Variants in NPTN observed in about 807,000 individuals in gnomAD.
NPTN encodes neuroplastin.
Under a neutral mutation model 42.7 loss-of-function variants are expected in NPTN, and 5 were observed. The observed-to-expected ratio is 0.12, with a 90% CI of 0.06 to 0.25. The LOEUF (loss-of-function observed/expected upper bound fraction) is 0.25. Among genes scored for constraint, NPTN ranks in the 10% least tolerant of loss-of-function variants. The pLI, the probability that NPTN is intolerant of heterozygous loss-of-function variation, is 1.00. For missense variants in NPTN, 307 were observed against 525.4 expected, an observed-to-expected ratio of 0.58 and a Z score of 4.06; for synonymous variants, 180 against 201.9, an observed-to-expected ratio of 0.89 and a Z score of 0.92.
chr15:73,622,501 A>T (rs1178102909), intron 1 of NPTN, among the ~76,000 whole-genome samples: 4 of 144,838 alleles, frequency 2.8e-5, no homozygotes, highest in Non-Finnish European at 4.6e-5. Context: ...AATTGTTTTA[A>T]AAAAAAAAAA....
At chr15:73,589,830 A>T (rs913924637) in intron 3 of NPTN, among the ~76,000 whole-genome samples, 1 of 151,924 alleles carries the variant, frequency 6.6e-6, no homozygotes, top group African/African-American at 2.4e-5. Flanking sequence ...TGTCTTCTCA[A>T]TGTGACACCA....
At chr15:73,568,941 A>G (rs1379808906) in intron 6 of NPTN, 48 of 985,408 alleles carry the variant, frequency 4.9e-5, no homozygotes, top group Non-Finnish European at 5.7e-5. Flanking sequence ...GTCTAAAGCC[A>G]CTGGCATGCC....
intron 1 of NPTN, among the ~76,000 whole-genome samples, chr15:73,622,600 G>A (rs915013921): frequency 4.6e-5 from 7 of 151,452 alleles, no homozygotes; most frequent in African/African-American, 1.7e-4. Context: ...CAGATATAAG[G>A]TAGCTGAACT....
rs1319730012 is a variant in NPTN, at chr15:73,565,773, T to C, written c.1115-2516A>G. 1.1e-5 allele frequency: 5 copies of C among 456,446 alleles called. No individual in the cohort carries two copies. The Admixed American group carries it at 1.2e-4, about 11-fold the overall frequency. 28.3% of individuals were successfully genotyped at this position (456,446 alleles called of 1,614,324 possible). On this transcript the variant is annotated intron_variant, in intron 6 of 8. Transcript: ENST00000345330. ...CACCTTATGAGAGTGAAGTTACCGG[T>C]GGAACTGTAGCACACACTGATTTAT...
intron 4 of NPTN, among the ~76,000 whole-genome samples, chr15:73,580,585 A>T (rs1307651696): frequency 8.3e-6 from 1 of 120,726 alleles, no homozygotes; most frequent in Non-Finnish European, 1.8e-5. Context: ...ATGTATATAC[A>T]TGTTATATAT....
chr15:73,572,089 G>A (rs1595900938), intron 5 of NPTN, among the ~76,000 whole-genome samples: 4 of 152,056 alleles, frequency 2.6e-5, no homozygotes, highest in Admixed American at 2.6e-4. Flanking sequence ...CCTCGTTAAC[G>A]GGTCTCTGAA....
chr15:73,582,720 G>A (rs997437601), intron 4 of NPTN, among the ~76,000 whole-genome samples: 2 of 152,160 alleles, frequency 1.3e-5, no homozygotes, highest in Non-Finnish European at 2.9e-5. Context: ...CCCCCCACAA[G>A]ACAGGGAGAT....
rs999688216 is a variant in NPTN, at chr15:73,569,949, CA to C, written c.1114+200del. On this transcript the variant is annotated intron_variant, in intron 6 of 8. Transcript: ENST00000345330. The surrounding 1 kb of genome is among the most constrained non-coding windows in gnomAD (Gnocchi z 4.1). ...TAAGGACAGCTCTAGATGGCTAATGCAAAAAAAATAAAAATAAAATAAAAAT... is the reference window on the plus strand; with the variant it reads ...TAAGGACAGCTCTAGATGGCTAATGCAAAAAAATAAAAATAAAATAAAAAT... The C allele has an allele frequency of 3.9e-4, 152 of 388,186 alleles. 1 individual carries two copies. The highest frequency in any genetic ancestry group is 1.3e-3 in the African/African-American group (57 of 44,794). The allele number at this position is 388,186 out of a possible 1,614,324, so 24.0% of individuals were successfully genotyped here. A position where few individuals can be genotyped will look rare whatever the true frequency, so the allele number is the denominator to read the frequency against.
At chr15:73,573,816 C>T in intron 4 of NPTN, 21 bp from the exon 5 acceptor site, 1 of 1,604,432 alleles carries the variant, frequency 6.2e-7, no homozygotes, top group Non-Finnish European at 8.5e-7. Flanking sequence ...GCGTTAGACG[C>T]AGTTACCACG....
At chr15:73,590,389 TC>T (rs1366509224) in intron 3 of NPTN, among the ~76,000 whole-genome samples, 1 of 152,106 alleles carries the variant, frequency 6.6e-6, no homozygotes, top group East Asian at 1.9e-4. Flanking sequence ...AAGTTAAAGC[TC>T]AGCACTTTGC....
rs375514412 is a variant in NPTN at position 73,597,193 on chromosome 15, T to C, written c.268A>G (p.Asn90Asp). The C allele has an allele frequency of 1.7e-5, 28 of 1,613,962 alleles. No homozygotes were observed. Among genetic ancestry groups the C allele is most frequent in the Non-Finnish European group, 2.2e-5 (26 of 1,179,998 alleles). ...DGARKRRVTVNTAYGSNGVSV... is the reference protein window; with the variant it reads ...DGARKRRVTVDTAYGSNGVSV... ...ACGCCGTTTGACCCGTAGGCGGTGT[T>C]TACGGTGACACGGCGCTTCCGAGCA... is the stretch of plus-strand genomic sequence containing the variant. Residue 90 changes from asparagine to aspartate, a missense_variant, in exon 2 of 9, where the codon AAC becomes GAC. Around this residue, in one of 2 missense-constraint regions of NPTN, gnomAD observed 264 missense variants for 491.1 expected, o/e 0.54. Transcript: ENST00000345330. This position sits in a 1 kb window ranked among gnomAD's most constrained non-coding sequence, Gnocchi z 6.3.
At chr15:73,630,829 T>C (rs1400594115) in intron 1 of NPTN, among the ~76,000 whole-genome samples, 1 of 152,242 alleles carries the variant, frequency 6.6e-6, no homozygotes, top group Non-Finnish European at 1.5e-5. Context: ...GGGCTATTTA[T>C]TACCAGCTGA....
rs143173544 is a variant in NPTN at position 73,602,570 on chromosome 15, T to TG, written c.92-5202dup. Among the ~76,000 whole-genome samples the TG allele has an allele frequency of 7.2e-5, 11 of 152,326 alleles. No individual in the cohort carries two copies. In the East Asian group the frequency reaches 2.1e-3, roughly 29 times the overall value. On this transcript the variant is annotated intron_variant, in intron 1 of 8. Transcript: ENST00000345330. ...ACAGACTTGAGCCTACACAAACTACTGTAGAGCCTGCCTATCCTTCCTGTT... is the reference window on the plus strand; with the variant it reads ...ACAGACTTGAGCCTACACAAACTACTGGTAGAGCCTGCCTATCCTTCCTGTT...
chr15:73,597,184 A>G lies in NPTN; in HGVS notation c.277T>C (p.Tyr93His). 1 of 1,614,178 alleles carries G rather than the reference A, an allele frequency of 6.2e-7. No individual in the cohort carries two copies. Among genetic ancestry groups the G allele is most frequent in the Non-Finnish European group, 8.5e-7 (1 of 1,180,016 alleles). The change falls in exon 2 of 9, where the codon TAC becomes CAC. Residue 93 changes from tyrosine to histidine, a missense_variant. Tyr to His is a moderately conservative substitution (Grantham distance 83). Transcript: ENST00000345330. The surrounding 1 kb of genome is among the most constrained non-coding windows in gnomAD (Gnocchi z 6.3). ...RKRRVTVNTA[Y>H]GSNGVSVLRI... is the part of the protein sequence containing the mutation. ...AGCACACTCACGCCGTTTGACCCGTAGGCGGTGTTTACGGTGACACGGCGC... is the reference window on the plus strand; with the variant it reads ...AGCACACTCACGCCGTTTGACCCGTGGGCGGTGTTTACGGTGACACGGCGC...
chr15:73,625,734 A>C (rs919317153), intron 1 of NPTN, among the ~76,000 whole-genome samples: 20 of 152,334 alleles, frequency 1.3e-4, no homozygotes, highest in African/African-American at 4.8e-4. Context: ...CAGGTCCTAG[A>C]AAATTCTAGT....
chr15:73,607,576 CAG>C (rs2141444201), intron 1 of NPTN, among the ~76,000 whole-genome samples: 1 of 152,262 alleles, frequency 6.6e-6, no homozygotes, highest in African/African-American at 2.4e-5. Flanking sequence ...TCAGAAACCA[CAG>C]AGTCAAAAAC....
intron 2 of NPTN, 104 bp downstream of exon 2, chr15:73,596,918 G>C (rs748781730): frequency 9.2e-5 from 85 of 922,072 alleles, no homozygotes; most frequent in Non-Finnish European, 1.3e-4. Flanking sequence ...ACAAGGGGTG[G>C]GGTGAGTGAT....
intron 1 of NPTN, among the ~76,000 whole-genome samples, chr15:73,602,228 ACTGCCAAGGCCAGG>A: frequency 6.6e-6 from 1 of 152,292 alleles, no homozygotes; most frequent in Middle Eastern, 3.4e-3. Flanking sequence ...TCAACTGACT[ACTGCCAAGGCCAGG>A]CCTTTAAGTC....
In NPTN at chr15:73,560,111, T is replaced by C; in HGVS notation, c.*952A>G. On this transcript the variant is annotated 3_prime_UTR_variant, in exon 9 of 9. Transcript: ENST00000345330. ...TACACAAAACACACAAGTACATGCA[T>C]CTACAATTACGCACCGCATGAGAAC... 2.0e-6 allele frequency: 1 copy of C among 491,120 alleles called. No homozygotes were observed. The allele number at this position is 491,120 out of a possible 1,614,324, so 30.4% of individuals were successfully genotyped here. A position where few individuals can be genotyped will look rare whatever the true frequency, so the allele number is the denominator to read the frequency against.
Sources: allele counts gnomAD v4.1 joint callset (sites outside exome capture counted in the v4.1 genomes callset), GRCh38; gene constraint gnomAD v4.1.1; regional missense constraint gnomAD v4.1.1; non-coding constraint Gnocchi (gnomAD v3.1); transcripts MANE v1.5; gene names NCBI Gene and HGNC (gene_info 2026-07-23, HGNC 2026-07-21).